Variants in ARSG observed in about 807,000 individuals in gnomAD.
ARSG encodes the protein ASG.
A neutral mutation model predicts 50.5 loss-of-function variants in ARSG; 37 were observed. The ratio of observed to expected loss-of-function variants is 0.73; its 90% confidence interval spans 0.56 to 0.96. The LOEUF (loss-of-function observed/expected upper bound fraction) is 0.96. ARSG is among the 50% of genes least tolerant of loss of function. ARSG has a pLI of 0.00. For missense variants in ARSG, 629 were observed against 675.3 expected (o/e 0.93, Z 0.76); for synonymous variants, 225 against 254.6 (o/e 0.88, Z 1.11).
At chr17:68,276,875 C>T (rs1457843205) in intron 1 of ARSG, among the ~76,000 whole-genome samples, 4 of 152,088 alleles carry the variant, frequency 2.6e-5, no homozygotes, top group African/African-American at 9.7e-5. Context: ...CTTTATAGGA[C>T]CAAGTGAAGA....
At chr17:68,429,955 G>A in the ARSG span, 150 of 1,609,700 alleles carry the variant, frequency 9.3e-5, no homozygotes, top group East Asian at 3.0e-3. Context: ...ATACATTGAC[G>A]AAAGTGTGGT....
In ARSG at chr17:68,381,213, G is replaced by A. The variant is rs1433450869; in HGVS notation, c.983-3851G>A. Among the ~76,000 whole-genome samples, 1 of 152,112 alleles carries A rather than the reference G, an allele frequency of 6.6e-6. No homozygotes were observed. Among genetic ancestry groups the A allele is most frequent in the Non-Finnish European group, 1.5e-5 (1 of 68,022 alleles). On this transcript the variant is annotated intron_variant, in intron 8 of 11. Transcript: ENST00000621439. The surrounding 1 kb of genome is among the most constrained non-coding windows in gnomAD (Gnocchi z 4.1). ...CGTGGGCAGTGGTGAGTCTTCCCCG[G>A]CCTGCCCCTGTCTTCATGCATCATA...
downstream of ARSG, among the ~76,000 whole-genome samples, chr17:68,424,131 C>T (rs2082988822): frequency 6.6e-6 from 1 of 152,164 alleles, no homozygotes; most frequent in Admixed American, 6.5e-5. Context: ...GGTAAAACAA[C>T]TGGTTTATAG....
intron 1 of ARSG, among the ~76,000 whole-genome samples, chr17:68,299,821 C>T (rs1555760981): frequency 1.3e-5 from 2 of 151,968 alleles, no homozygotes. Context: ...TGATACTAAC[C>T]AATTGTTAAT....
intron 8 of ARSG, among the ~76,000 whole-genome samples, chr17:68,379,593 T>C (rs2080331271): frequency 6.6e-6 from 1 of 151,988 alleles, no homozygotes; most frequent in Non-Finnish European, 1.5e-5. Context: ...CCTGCTTCTT[T>C]AGAAGGTTAT....
chr17:68,347,777 G>A (rs748866215), intron 4 of ARSG, among the ~76,000 whole-genome samples: 15 of 152,174 alleles, frequency 9.9e-5, no homozygotes, highest in Admixed American at 7.2e-4. Flanking sequence ...ATAGGAAGCC[G>A]TGGACTTTCT....
chr17:68,411,457 G>T (rs2081991480), intron 11 of ARSG, among the ~76,000 whole-genome samples: 1 of 152,122 alleles, frequency 6.6e-6, no homozygotes, highest in Admixed American at 6.6e-5. Flanking sequence ...TTAATCCTGG[G>T]TTCTAGTTTG....
At chr17:68,325,633 A>G (rs1453094006) in intron 2 of ARSG, among the ~76,000 whole-genome samples, 1 of 152,010 alleles carries the variant, frequency 6.6e-6, no homozygotes, top group African/African-American at 2.4e-5. Flanking sequence ...CCTAAACACA[A>G]AAGAGGCACA....
Position 68,343,739 on chromosome 17 carries a change from G to C in ARSG, c.354G>C (p.Glu118Asp). 3 of 1,614,126 alleles carry C rather than the reference G, an allele frequency of 1.9e-6. No individual in the cohort carries two copies. The highest frequency in any genetic ancestry group is 2.5e-6 in the Non-Finnish European group (3 of 1,179,996). Residue 118 changes from glutamate (E) to aspartate (D), a missense_variant, in exon 3 of 12, where the codon GAG (glutamate) becomes GAC (aspartate). Coordinates refer to ENST00000621439, the MANE Select transcript of ARSG (RefSeq NM_001267727.2). ...CTGTGGGAGGCCTTCCGCTCAACGA[G>C]ACCACCTTGGCAGAGGTGCTGCAGC... The part of the protein sequence containing the change: ...VTSVGGLPLN[E>D]TTLAEVLQQA...
intron 2 of ARSG, among the ~76,000 whole-genome samples, chr17:68,339,855 G>A (rs1383068016): frequency 6.6e-6 from 1 of 152,162 alleles, no homozygotes; most frequent in Non-Finnish European, 1.5e-5. Flanking sequence ...ATAAGGTGGG[G>A]ATCGCCAGCT....
At chr17:68,263,262 G>A (rs1215532884) in intron 1 of ARSG, among the ~76,000 whole-genome samples, 2 of 152,124 alleles carry the variant, frequency 1.3e-5, no homozygotes, top group South Asian at 2.1e-4. Flanking sequence ...AACACTAGGG[G>A]GACCCAGTTT....
At chr17:68,357,038 C>A (rs1350654559) in intron 6 of ARSG, among the ~76,000 whole-genome samples, 1 of 152,186 alleles carries the variant, frequency 6.6e-6, no homozygotes, top group Non-Finnish European at 1.5e-5. Flanking sequence ...GGGGCTTATC[C>A]CTCTGTTGCT....
At chr17:68,388,993 G>C (rs72841848) in intron 9 of ARSG, among the ~76,000 whole-genome samples, 6,140 of 151,976 alleles carry the variant, frequency 0.04, 343 homozygotes, top group East Asian at 0.23. Context: ...AACTCCCTGG[G>C]CTACCTCGTG....
chr17:68,426,283 G>A (rs918662949), downstream of ARSG: 1 of 862,084 alleles, frequency 1.2e-6, no homozygotes, highest in African/African-American at 1.7e-5. Flanking sequence ...GAAGCAAAGG[G>A]GCTGTCTGTC....
chr17:68,427,811 G>A, the ARSG span, among the ~76,000 whole-genome samples: 1 of 152,178 alleles, frequency 6.6e-6, no homozygotes, highest in Non-Finnish European at 1.5e-5. Flanking sequence ...GGTGGGGGGC[G>A]GTGGCAGCTC....
chr17:68,340,678 G>C (rs2078229788), intron 2 of ARSG, among the ~76,000 whole-genome samples: 1 of 152,134 alleles, frequency 6.6e-6, no homozygotes, highest in South Asian at 2.1e-4. Context: ...CCTGGCACAA[G>C]CAGATGTCCC....
At chr17:68,430,813 A>C in the ARSG span, among the ~76,000 whole-genome samples, 1 of 152,200 alleles carries the variant, frequency 6.6e-6, no homozygotes, top group Non-Finnish European at 1.5e-5. Context: ...AGAGGGTGGC[A>C]CATTGAGAAC....
intron 11 of ARSG, among the ~76,000 whole-genome samples, chr17:68,411,060 C>G (rs1346196551): frequency 6.6e-6 from 1 of 151,966 alleles, no homozygotes; most frequent in African/African-American, 2.4e-5. Context: ...TTTGTTGATC[C>G]TTTCAAAAAA....
chr17:68,265,691 A>C (rs1165177701), intron 1 of ARSG, among the ~76,000 whole-genome samples: 1 of 144,528 alleles, frequency 6.9e-6, no homozygotes. Context: ...ACTGTGGTCC[A>C]CAGGCCAAAT....
Sources: allele counts gnomAD v4.1 joint callset (sites outside exome capture counted in the v4.1 genomes callset), GRCh38; gene constraint gnomAD v4.1.1; non-coding constraint Gnocchi (gnomAD v3.1); transcripts MANE v1.5; gene names NCBI Gene and HGNC (gene_info 2026-07-23, HGNC 2026-07-21).